The following CCSER1 variants were observed in gnomAD, a reference collection of about 807,000 sequenced individuals.
The protein encoded by CCSER1 is serine-rich coiled-coil domain-containing protein 1.
Under a neutral mutation model 82.0 loss-of-function variants are expected in CCSER1, and 41 were observed. The ratio of observed to expected loss-of-function variants is 0.50; its 90% CI spans 0.39 to 0.65. The LOEUF (loss-of-function observed/expected upper bound fraction) is 0.65. CCSER1 is among the 30% of genes least tolerant of loss of function. CCSER1 has a pLI of 0.00. For missense variants in CCSER1, 1,119 were observed against 1,064.2 expected (o/e 1.05, Z -0.72); for synonymous variants, 414 against 383.9 (o/e 1.08, Z -0.92).
At chr4:90,859,119 A>G (rs1025281812) in intron 8 of CCSER1, among the ~76,000 whole-genome samples, 3 of 151,920 alleles carry the variant, frequency 2.0e-5, no homozygotes, top group Non-Finnish European at 4.4e-5. Context: ...GGACAAATTC[A>G]TATGTAGCAC....
intron 5 of CCSER1, among the ~76,000 whole-genome samples, chr4:90,518,983 T>C (rs1772693168): frequency 6.6e-6 from 1 of 151,894 alleles, no homozygotes; most frequent in Admixed American, 6.6e-5. Flanking sequence ...ATCTTTCTAC[T>C]TAACATAGGA....
intron 4 of CCSER1, among the ~76,000 whole-genome samples, chr4:90,423,853 C>T (rs943772391): frequency 4.0e-5 from 6 of 151,506 alleles, no homozygotes. Context: ...CCTGTAATCC[C>T]AGCACTTTGG....
chr4:90,336,541 A>T (rs1331598299), intron 3 of CCSER1, among the ~76,000 whole-genome samples: 1 of 152,218 alleles, frequency 6.6e-6, no homozygotes, highest in African/African-American at 2.4e-5. Context: ...TTTAAGTAAG[A>T]ACAGGCTGTT....
intron 5 of CCSER1, among the ~76,000 whole-genome samples, chr4:90,509,206 G>A (rs1474482699): frequency 1.3e-5 from 2 of 152,056 alleles, no homozygotes; most frequent in Non-Finnish European, 2.9e-5. Flanking sequence ...CATAAAGTAG[G>A]TAATTGTTTC....
intron 6 of CCSER1, among the ~76,000 whole-genome samples, chr4:90,703,205 T>A (rs1738532772): frequency 6.6e-6 from 1 of 152,238 alleles, no homozygotes; most frequent in South Asian, 2.1e-4. Context: ...AGAACAACTT[T>A]ATTTCTGCCT....
chr4:91,397,059 T>C (rs1752030131), intron 10 of CCSER1, among the ~76,000 whole-genome samples: 1 of 152,068 alleles, frequency 6.6e-6, no homozygotes, highest in Non-Finnish European at 1.5e-5. Context: ...TCTGTATTGT[T>C]TATCCTCTAT....
At chr4:91,371,270 C>T (rs184976437) in intron 10 of CCSER1, among the ~76,000 whole-genome samples, 3 of 152,148 alleles carry the variant, frequency 2.0e-5, no homozygotes, top group Middle Eastern at 3.4e-3. Flanking sequence ...TTGTACATCC[C>T]CACTTACCGT....
At chr4:90,830,211 T>C (rs1760961802) in intron 8 of CCSER1, among the ~76,000 whole-genome samples, 1 of 152,182 alleles carries the variant, frequency 6.6e-6, no homozygotes, top group South Asian at 2.1e-4. Context: ...AAGCAAATAA[T>C]TGTTCATACT....
intron 3 of CCSER1, among the ~76,000 whole-genome samples, chr4:90,377,170 C>T (rs1316976001): frequency 1.3e-5 from 2 of 152,148 alleles, no homozygotes; most frequent in Non-Finnish European, 2.9e-5. Flanking sequence ...TGCACAAAAT[C>T]ATGGTGGACT....
At chr4:90,675,695 TTTTTTTTTATGTG>T (rs1733754408) in intron 6 of CCSER1, among the ~76,000 whole-genome samples, 1 of 1,046 alleles carries the variant, frequency 9.6e-4, no homozygotes, top group African/African-American at 3.8e-3. Context: ...TTTTTTTTTT[TTTTTTTTTATGTG>T]TTTTTTTTTT....
At chr4:90,785,509 C>A (rs1754380175) in intron 7 of CCSER1, among the ~76,000 whole-genome samples, 1 of 152,126 alleles carries the variant, frequency 6.6e-6, no homozygotes, top group Admixed American at 6.5e-5. Flanking sequence ...ATAGAAAAGT[C>A]TATTACTTTC....
intron 1 of CCSER1, among the ~76,000 whole-genome samples, chr4:90,247,581 T>C (rs1721662876): frequency 6.6e-6 from 1 of 152,148 alleles, no homozygotes; most frequent in Admixed American, 6.6e-5. Flanking sequence ...ACTGAGAAAG[T>C]ATTACAGATC....
intron 9 of CCSER1, among the ~76,000 whole-genome samples, chr4:91,000,070 G>A (rs948307506): frequency 1.3e-5 from 2 of 151,566 alleles, no homozygotes. Flanking sequence ...TATTTTTGAT[G>A]ACTTTGTTTC....
intron 8 of CCSER1, among the ~76,000 whole-genome samples, chr4:90,896,648 T>C (rs1315179143): frequency 6.6e-6 from 1 of 151,902 alleles, no homozygotes; most frequent in Non-Finnish European, 1.5e-5. Context: ...ATCTAGCCAA[T>C]ATTTTTAAAT....
intron 10 of CCSER1, among the ~76,000 whole-genome samples, chr4:91,585,529 T>C (rs1464482156): frequency 6.6e-6 from 1 of 151,506 alleles, no homozygotes; most frequent in Admixed American, 6.6e-5. Flanking sequence ...CATACATATG[T>C]ATAGGACAAT....
chr4:90,720,991 A>T (rs1742576438), intron 6 of CCSER1, among the ~76,000 whole-genome samples: 1 of 151,854 alleles, frequency 6.6e-6, no homozygotes, highest in Admixed American at 6.6e-5. Flanking sequence ...GAAATGAAAG[A>T]GTTTTTTAAT....
intron 1 of CCSER1, among the ~76,000 whole-genome samples, chr4:90,307,657 A>G (rs1416652899): frequency 6.6e-6 from 1 of 152,110 alleles, no homozygotes; most frequent in Non-Finnish European, 1.5e-5. Flanking sequence ...ATTTAAAAAA[A>G]AAAAAGAGAA....
intron 10 of CCSER1, among the ~76,000 whole-genome samples, chr4:91,477,630 T>G (rs552052517): frequency 6.6e-6 from 1 of 151,886 alleles, no homozygotes; most frequent in African/African-American, 2.4e-5. Flanking sequence ...AAGTTATGGT[T>G]ATAATGCTAA....
chr4:90,212,540 A>G (rs1740220838), intron 1 of CCSER1, among the ~76,000 whole-genome samples: 2 of 152,186 alleles, frequency 1.3e-5, no homozygotes, highest in Non-Finnish European at 2.9e-5. Flanking sequence ...AAGGAATACA[A>G]GAACAAAGTA....
Sources: allele counts gnomAD v4.1 joint callset (sites outside exome capture counted in the v4.1 genomes callset), GRCh38; gene constraint gnomAD v4.1.1; transcripts MANE v1.5; gene names NCBI Gene and HGNC (gene_info 2026-07-23, HGNC 2026-07-21).